The following PSEN1 variants were observed in gnomAD, a reference collection of about 807,000 sequenced individuals.
The protein encoded by PSEN1 is presenilin 1.
In PSEN1, 15 loss-of-function variants were observed where a neutral mutation model predicts 53.5. The observed-to-expected ratio is 0.28, with a 90% CI of 0.19 to 0.43. The LOEUF is 0.43. Among genes scored for constraint, PSEN1 ranks in the 20% least tolerant of loss-of-function variants. The probability of loss-of-function intolerance (pLI) is 1.00; values close to 1 mark genes in which losing one functional copy is unlikely to be tolerated. For synonymous variants in PSEN1, 208 were observed against 209.8 expected (o/e 0.99, Z 0.08); for missense variants, 387 against 571.2 (o/e 0.68, Z 3.29).
At chr14:73,193,764 C>T (rs1898823666) in intron 7 of PSEN1, among the ~76,000 whole-genome samples, 1 of 152,016 alleles carries the variant, frequency 6.6e-6, no homozygotes, top group African/African-American at 2.4e-5. Context: ...TCATGCGATC[C>T]TCCCACTTCA....
rs1898780676 is a variant in PSEN1 at position 73,192,831 on chromosome 14, G to A, written c.736G>A (p.Ala246Thr). ...TATCAAGTACCTCCCTGAATGGACT[G>A]CGTGGCTCATCTTGGCTGTGATTTC... ...VFIKYLPEWTAWLILAVISVY... is the reference protein window; with the variant it reads ...VFIKYLPEWTTWLILAVISVY... Residue 246 changes from alanine (A) to threonine (T), a missense_variant, in exon 7 of 12, where the codon GCG (alanine) becomes ACG (threonine). Ala to Thr is a moderately conservative substitution (Grantham distance 58). Coordinates refer to ENST00000324501, the MANE Select transcript of PSEN1 (RefSeq NM_000021.4). The A allele has an allele frequency of 6.2e-7, 1 of 1,613,514 alleles. No homozygotes were observed. Among genetic ancestry groups the A allele is most frequent in the African/African-American group, 1.3e-5 (1 of 74,892 alleles).
intron 9 of PSEN1, among the ~76,000 whole-genome samples, chr14:73,210,417 C>T (rs1252992088): frequency 6.6e-6 from 1 of 152,086 alleles, no homozygotes; most frequent in African/African-American, 2.4e-5. Flanking sequence ...TTTGCGTGCA[C>T]TAAAGGATGA....
Position 73,170,944 on chromosome 14 carries a change from G to A in PSEN1, c.235G>A (p.Ala79Thr), listed in dbSNP as rs769650189. The A allele has an allele frequency of 7.4e-6, 12 of 1,614,176 alleles. No individual in the cohort carries two copies. Among genetic ancestry groups the A allele is most frequent in the Admixed American group, 6.7e-5 (4 of 60,012 alleles). Residue 79 changes from alanine (A) to threonine (T), a missense_variant, in exon 4 of 12, where the codon GCC becomes ACC. Physicochemically the swap from Ala to Thr is moderately conservative, Grantham distance 58 (BLOSUM62 0). Transcript: ENST00000324501. Reference protein sequence around the residue: ...EDEELTLKYGAKHVIMLFVPV... With the variant: ...EDEELTLKYGTKHVIMLFVPV... ...TGAGGAGCTGACATTGAAATATGGC[G>A]CCAAGCATGTGATCATGCTCTTTGT...
chr14:73,188,884 G>T (rs566301886), intron 6 of PSEN1, among the ~76,000 whole-genome samples: 1 of 152,148 alleles, frequency 6.6e-6, no homozygotes, highest in South Asian at 2.1e-4. Flanking sequence ...TGCCTCCTGG[G>T]TTCAAGCGAT....
intron 7 of PSEN1, among the ~76,000 whole-genome samples, chr14:73,195,253 A>G (rs1566643848): frequency 6.6e-6 from 1 of 150,872 alleles, no homozygotes; most frequent in Non-Finnish European, 1.5e-5. Flanking sequence ...GCTCACTACA[A>G]CCTCTCCCTC....
rs986833840 is a variant in PSEN1 at position 73,222,458 on chromosome 14, C to G, written c.*3169C>G. On this transcript the variant is annotated 3_prime_UTR_variant, in exon 12 of 12. Transcript: ENST00000324501. ...GAGTGTGAAATATAAGTTTAACTAC[C>G]AAATAAGGTCTCCCAGGGTTAGATG... 1 of 152,054 alleles carries G rather than the reference C, an allele frequency of 6.6e-6. No individual in the cohort carries two copies. Among genetic ancestry groups the G allele is most frequent in the South Asian group, 2.1e-4 (1 of 4,822 alleles). The allele number at this position is 152,054 out of a possible 1,614,324, so 9.4% of individuals were successfully genotyped here. A position where few individuals can be genotyped will look rare whatever the true frequency, so the allele number is the denominator to read the frequency against.
At chr14:73,151,949 T>C (rs2140517443) in intron 3 of PSEN1, among the ~76,000 whole-genome samples, 1 of 117,850 alleles carries the variant, frequency 8.5e-6, no homozygotes, top group South Asian at 3.1e-4. Context: ...TCTCGCTCTG[T>C]TGCCCAGGCT....
At chr14:73,199,866 C>T (rs893130878) in intron 8 of PSEN1, among the ~76,000 whole-genome samples, 2 of 152,168 alleles carry the variant, frequency 1.3e-5, no homozygotes, top group Non-Finnish European at 2.9e-5. Context: ...CTGCCTCAGC[C>T]TCCGGAGTGG....
At chr14:73,208,984 C>A in intron 9 of PSEN1, 1 of 423,530 alleles carries the variant, frequency 2.4e-6, no homozygotes, top group Non-Finnish European at 4.8e-6. Context: ...CAGAGGGGGC[C>A]AAGGTGGCAG....
intron 10 of PSEN1, among the ~76,000 whole-genome samples, chr14:73,212,346 T>G (rs1342209055): frequency 6.6e-6 from 1 of 152,064 alleles, no homozygotes; most frequent in African/African-American, 2.4e-5. Flanking sequence ...CCTGACATCA[T>G]GATCTGCCTG....
chr14:73,157,981 G>T (rs2140002007), intron 3 of PSEN1, among the ~76,000 whole-genome samples: 1 of 151,442 alleles, frequency 6.6e-6, no homozygotes, highest in South Asian at 2.1e-4. Context: ...GTGAGTCTCT[G>T]TCTAAAAAAA....
chr14:73,166,370 TCCTA>T (rs1161104425), intron 3 of PSEN1, among the ~76,000 whole-genome samples: 1 of 152,232 alleles, frequency 6.6e-6, no homozygotes, highest in Non-Finnish European at 1.5e-5. Context: ...TTAGTTTGAT[TCCTA>T]CCTCTGCTGT....
At chr14:73,174,178 A>T (rs1405973235) in intron 5 of PSEN1, 1 of 190,402 alleles carries the variant, frequency 5.3e-6, no homozygotes, top group Non-Finnish European at 1.1e-5. Flanking sequence ...AAAAAGTTGT[A>T]ACTGAAAAAT....
At position 73,170,815 on chromosome 14, in the gene PSEN1, C is replaced by A; in HGVS notation, c.106C>A (p.Gln36Lys). The A allele has an allele frequency of 6.2e-7, 1 of 1,614,096 alleles. No homozygotes were observed. Among genetic ancestry groups the A allele is most frequent in the Non-Finnish European group, 8.5e-7 (1 of 1,179,962 alleles). Residue 36 changes from glutamine (Q) to lysine (K), a missense_variant, in exon 4 of 12, where the codon CAG (glutamine) becomes AAG (lysine). Transcript: ENST00000324501. ...VRSQNDNRER[Q>K]EHNDRRSLGH... is the part of the protein sequence containing the mutation. ...CTTATAGAATGACAATAGAGAACGGCAGGAGCACAACGACAGACGGAGCCT... is the reference window on the plus strand; with the variant it reads ...CTTATAGAATGACAATAGAGAACGGAAGGAGCACAACGACAGACGGAGCCT...
chr14:73,148,309 A>G (rs891611667), intron 3 of PSEN1, among the ~76,000 whole-genome samples: 2 of 152,170 alleles, frequency 1.3e-5, no homozygotes, highest in African/African-American at 4.8e-5. Context: ...CCTAATTCAC[A>G]TATCACCACC....
rs144680586 is a variant in PSEN1 at position 73,221,805 on chromosome 14, T to C, written c.*2516T>C. The C allele has an allele frequency of 7.1e-4, 108 of 152,306 alleles. No homozygotes were observed. The highest frequency in any genetic ancestry group is 2.3e-3 in the African/African-American group (97 of 41,566). 9.4% of individuals were successfully genotyped at this position (152,306 alleles called of 1,614,324 possible). A position where few individuals can be genotyped will look rare whatever the true frequency, so the allele number is the denominator to read the frequency against. ...ACATCCAAATGCTAGTCTTCCACCA[T>C]GAAAAATAGATTGTCACTGGAAAGA... On this transcript the variant is annotated 3_prime_UTR_variant, in exon 12 of 12. Coordinates refer to ENST00000324501, the MANE Select transcript of PSEN1 (RefSeq NM_000021.4).
intron 7 of PSEN1, chr14:73,197,598 C>A (rs1375051924): frequency 5.7e-6 from 1 of 176,870 alleles, no homozygotes; most frequent in African/African-American, 2.4e-5. Flanking sequence ...TTATTAAATT[C>A]ATCTCAGAGT....
chr14:73,173,846 C>T, intron 5 of PSEN1, 139 bp downstream of exon 5: 1 of 1,053,042 alleles, frequency 9.5e-7, no homozygotes, highest in Non-Finnish European at 1.5e-6. Context: ...TTTTCTTCCT[C>T]CTCACTGTGG....
chr14:73,161,911 T>G (rs1897551118), intron 3 of PSEN1, among the ~76,000 whole-genome samples: 1 of 151,114 alleles, frequency 6.6e-6, no homozygotes, highest in Non-Finnish European at 1.5e-5. Context: ...TCCCAGCACT[T>G]TGGGAGGCTG....
Sources: gnomAD v4.1 joint callset for allele counts (sites outside exome capture counted in the v4.1 genomes callset) on GRCh38, gnomAD v4.1.1 for gene constraint, MANE v1.5 for transcripts, NCBI Gene and HGNC (gene_info 2026-07-23, HGNC 2026-07-21) for gene names.